The following PRKG2 variants were observed in gnomAD, a reference collection of about 807,000 sequenced individuals.
The protein encoded by PRKG2 is protein kinase cGMP-dependent 2.
A neutral mutation model predicts 97.2 loss-of-function variants in PRKG2; 33 were observed. The observed-to-expected ratio is 0.34, with a 90% confidence interval of 0.26 to 0.45. PRKG2 has a LOEUF of 0.45. PRKG2 is among the 20% of genes least tolerant of loss of function. The pLI is 1.00. For synonymous variants in PRKG2, 330 were observed against 321.8 expected, an observed-to-expected ratio of 1.03 and a Z score of -0.27; for missense variants, 638 against 900.0, an observed-to-expected ratio of 0.71 and a Z score of 3.73.
chr4:81,131,073 G>A (rs534676749), intron 14 of PRKG2, among the ~76,000 whole-genome samples: 9 of 152,142 alleles, frequency 5.9e-5, no homozygotes, highest in Non-Finnish European at 8.8e-5. Flanking sequence ...CTGCCCAAAC[G>A]GCCACCCAGT....
chr4:81,183,005 A>C (rs1469138038), intron 2 of PRKG2, among the ~76,000 whole-genome samples: 3 of 152,124 alleles, frequency 2.0e-5, no homozygotes, highest in South Asian at 4.1e-4. Context: ...AAATTTAAAA[A>C]TTTATGAAAA....
intron 6 of PRKG2, among the ~76,000 whole-genome samples, chr4:81,162,266 G>A (rs1209912856): frequency 6.6e-6 from 1 of 152,100 alleles, no homozygotes; most frequent in African/African-American, 2.4e-5. Context: ...AGCTGGTCAC[G>A]AAAGTCTTCC....
chr4:81,176,392 C>G (rs775136179), intron 2 of PRKG2, among the ~76,000 whole-genome samples: 1 of 151,946 alleles, frequency 6.6e-6, no homozygotes, highest in Non-Finnish European at 1.5e-5. Flanking sequence ...TCAGATTATT[C>G]TTGCTAAAAA....
At chr4:81,160,038 A>ATGGT in intron 6 of PRKG2, among the ~76,000 whole-genome samples, 1 of 151,964 alleles carries the variant, frequency 6.6e-6, no homozygotes, top group Non-Finnish European at 1.5e-5. Context: ...GCAGCGCACC[A>ATGGT]GCATGGCACA....
chr4:81,113,924 A>G (rs1744233514), intron 14 of PRKG2, among the ~76,000 whole-genome samples: 1 of 152,184 alleles, frequency 6.6e-6, no homozygotes, highest in African/African-American at 2.4e-5. Context: ...GATTGAGTGG[A>G]AGTGAAAGTG....
intron 10 of PRKG2, among the ~76,000 whole-genome samples, chr4:81,143,233 G>A (rs1747477094): frequency 2.0e-5 from 3 of 152,086 alleles, no homozygotes; most frequent in African/African-American, 7.2e-5. Flanking sequence ...TACTTAAAAT[G>A]TACCTCTTAG....
At chr4:81,156,976 A>G (rs1749158714) in intron 6 of PRKG2, among the ~76,000 whole-genome samples, 4 of 152,190 alleles carry the variant, frequency 2.6e-5, no homozygotes, top group Non-Finnish European at 2.9e-5. Context: ...AAGAGAAAGC[A>G]GGAAAGATCC....
intron 17 of PRKG2, among the ~76,000 whole-genome samples, chr4:81,102,275 T>A (rs1345801417): frequency 6.6e-6 from 1 of 152,178 alleles, no homozygotes; most frequent in African/African-American, 2.4e-5. Context: ...TACATTTAAA[T>A]GAGCCTCAGG....
At chr4:81,112,174 T>C (rs1010034224) in intron 14 of PRKG2, among the ~76,000 whole-genome samples, 22 of 152,176 alleles carry the variant, frequency 1.4e-4, no homozygotes, top group Non-Finnish European at 3.2e-4. Flanking sequence ...GATTTTCCTA[T>C]TGGAAAAAAG....
At chr4:81,191,670 A>G (rs930024632) in intron 2 of PRKG2, among the ~76,000 whole-genome samples, 2 of 152,198 alleles carry the variant, frequency 1.3e-5, no homozygotes, top group African/African-American at 4.8e-5. Context: ...CTGATTTATG[A>G]CAACAGTTGT....
intron 14 of PRKG2, among the ~76,000 whole-genome samples, chr4:81,126,492 A>T (rs1052034614): frequency 6.6e-6 from 1 of 152,226 alleles, no homozygotes; most frequent in African/African-American, 2.4e-5. Flanking sequence ...CACTCCCATC[A>T]ACAGTGTAAA....
At chr4:81,197,804 A>G (rs1164162543) in intron 2 of PRKG2, among the ~76,000 whole-genome samples, 1 of 152,236 alleles carries the variant, frequency 6.6e-6, no homozygotes, top group Non-Finnish European at 1.5e-5. Context: ...AGGGAAGACA[A>G]CATGAAATAA....
intron 1 of PRKG2, among the ~76,000 whole-genome samples, chr4:81,207,486 C>T (rs1753744206): frequency 1.3e-5 from 2 of 152,146 alleles, no homozygotes; most frequent in Admixed American, 1.3e-4. Flanking sequence ...AGGCATATCC[C>T]ATCATGGATT....
In PRKG2 at chr4:81,123,026, T is replaced by C. The variant is rs185384027; in HGVS notation, c.1776+12129A>G. Among the ~76,000 whole-genome samples, 49 of 152,362 alleles carry C rather than the reference T, an allele frequency of 3.2e-4. No homozygotes were observed. In the East Asian group the frequency reaches 8.7e-3, roughly 27 times the overall value. On this transcript the variant is annotated intron_variant, in intron 14 of 18. Transcript: ENST00000264399. ...GTCCCAGTATATGATCAAATTTTGT[T>C]AATGTGTATTCTCCACCTATTGGGA...
At chr4:81,215,625 C>T (rs529754100), upstream of PRKG2, among the ~76,000 whole-genome samples, 6 of 151,828 alleles carry the variant, frequency 4.0e-5, no homozygotes, top group Non-Finnish European at 5.9e-5. Context: ...AACAGGCGCA[C>T]GTACCCTGGA....
chr4:81,216,891 TTGTGTGTGTGTG>T (rs68179456), upstream of PRKG2, among the ~76,000 whole-genome samples: 96 of 131,510 alleles, frequency 7.3e-4, no homozygotes, highest in African/African-American at 1.9e-3. Flanking sequence ...TAGTATTCCA[TTGTGTGTGTGTG>T]TGTGTGTGTG....
At chr4:81,163,722 A>C (rs9884233) in intron 6 of PRKG2, among the ~76,000 whole-genome samples, 26,014 of 152,034 alleles carry the variant, frequency 0.17, 2,884 homozygotes, top group African/African-American at 0.29. Flanking sequence ...AGGACAAAGA[A>C]AATGAAGGAA....
chr4:81,150,976 C>G (rs1165840700), intron 8 of PRKG2, among the ~76,000 whole-genome samples: 1 of 151,936 alleles, frequency 6.6e-6, no homozygotes, highest in Non-Finnish European at 1.5e-5. Context: ...ATAGCTAAAA[C>G]TTTATTTTTT....
At chr4:81,159,059 T>C (rs1328487594) in intron 6 of PRKG2, among the ~76,000 whole-genome samples, 1 of 152,070 alleles carries the variant, frequency 6.6e-6, no homozygotes. Flanking sequence ...GGCAAGGACT[T>C]CATGTCTAAA....
Sources: allele counts gnomAD v4.1 joint callset (sites outside exome capture counted in the v4.1 genomes callset), GRCh38; gene constraint gnomAD v4.1.1; transcripts MANE v1.5; gene names NCBI Gene and HGNC (gene_info 2026-07-23, HGNC 2026-07-21).